The following NSD1 variants were observed in gnomAD, a reference collection of about 807,000 sequenced individuals.
The protein encoded by NSD1 is nuclear receptor binding SET domain protein 1, also known as histone-lysine N-methyltransferase, H3 lysine-36 specific.
A neutral mutation model predicts 242.7 loss-of-function variants in NSD1; 26 were observed. The observed-to-expected ratio is 0.11, with a 90% CI of 0.08 to 0.15. The LOEUF (loss-of-function observed/expected upper bound fraction) is 0.15, where lower values mean the gene tolerates loss of function less well. Ranked by LOEUF, NSD1 falls within the 10% of genes least tolerant of loss-of-function variation. The probability of loss-of-function intolerance (pLI) is 1.00; values close to 1 mark genes in which losing one functional copy is unlikely to be tolerated. For synonymous variants in NSD1, 1,106 were observed against 1,178.1 expected (o/e 0.94, Z 1.25); for missense variants, 2,495 against 3,272.8 (o/e 0.76, Z 5.80).
chr5:177,258,058 G>A (rs1405740890), intron 13 of NSD1, among the ~76,000 whole-genome samples: 1 of 125,306 alleles, frequency 8.0e-6, no homozygotes, highest in Non-Finnish European at 1.6e-5. Context: ...TCAGCTCACC[G>A]CAACCTCTGC....
chr5:177,177,671 A>T (rs555478494), intron 2 of NSD1, among the ~76,000 whole-genome samples: 1 of 152,182 alleles, frequency 6.6e-6, no homozygotes, highest in Admixed American at 6.6e-5. Flanking sequence ...AAAAAATATC[A>T]GTATTAGATT....
intron 2 of NSD1, among the ~76,000 whole-genome samples, chr5:177,154,188 G>T (rs1757944628): frequency 6.6e-6 from 1 of 151,982 alleles, no homozygotes; most frequent in Non-Finnish European, 1.5e-5. Flanking sequence ...GCTTTTCCCG[G>T]AGTGAGTGAT....
At chr5:177,145,779 G>A (rs1451094008) in intron 2 of NSD1, among the ~76,000 whole-genome samples, 3 of 151,968 alleles carry the variant, frequency 2.0e-5, no homozygotes, top group Non-Finnish European at 2.9e-5. Context: ...GTGATGGTGC[G>A]TGCTTGTAAT....
Position 177,260,063 on chromosome 5 carries a change from A to G in NSD1, c.5041A>G (p.Ile1681Val). ...CTTTTGCCTGGCTGCTGGGTCAAAG[A>G]TCCTTGCATCTAATAGTATCATCTG... ...NDFCLAAGSK[I>V]LASNSIICPN... The change falls in exon 14 of 23, where the codon ATC becomes GTC. Residue 1681 changes from isoleucine to valine, a missense_variant. By Grantham distance (29) the Ile-to-Val change is conservative. This residue lies in a region of NSD1 where 31 missense variants were observed against 120.2 expected (regional missense o/e 0.26). Coordinates refer to ENST00000439151, the MANE Select transcript of NSD1 (RefSeq NM_022455.5). 1 of 1,614,110 alleles carries G rather than the reference A, an allele frequency of 6.2e-7. No homozygotes were observed. The highest frequency in any genetic ancestry group is 8.5e-7 in the Non-Finnish European group (1 of 1,180,030).
intron 2 of NSD1, among the ~76,000 whole-genome samples, chr5:177,164,149 CT>C (rs56076836): frequency 0.023 from 3,196 of 138,344 alleles, 28 homozygotes; most frequent in Middle Eastern, 0.03. Context: ...AAAATGTAAC[CT>C]TTTTTTTTTT....
intron 17 of NSD1, among the ~76,000 whole-genome samples, chr5:177,275,775 A>G (rs1376223563): frequency 6.6e-6 from 1 of 151,948 alleles, no homozygotes; most frequent in Non-Finnish European, 1.5e-5. Flanking sequence ...ATAGTTGTGA[A>G]TTATTGATGA....
At chr5:177,196,765 G>A (rs1232294251) in intron 3 of NSD1, among the ~76,000 whole-genome samples, 3 of 152,200 alleles carry the variant, frequency 2.0e-5, no homozygotes, top group African/African-American at 7.2e-5. Context: ...GTATGAAAGA[G>A]ACTGAGCTTG....
intron 5 of NSD1, among the ~76,000 whole-genome samples, chr5:177,217,970 C>T (rs2149858920): frequency 6.6e-6 from 1 of 152,166 alleles, no homozygotes; most frequent in Non-Finnish European, 1.5e-5. Context: ...GGTTGGAGTG[C>T]AGTGGTGATA....
intron 2 of NSD1, among the ~76,000 whole-genome samples, chr5:177,162,790 GC>G (rs1374061187): frequency 2.0e-5 from 3 of 152,198 alleles, no homozygotes; most frequent in East Asian, 1.9e-4. Context: ...TCCCACCTCA[GC>G]CTCCTGAGTA....
chr5:177,216,464 GAGGTCTTATGTTT>G, intron 5 of NSD1, among the ~76,000 whole-genome samples: 1 of 151,964 alleles, frequency 6.6e-6, no homozygotes, highest in Non-Finnish European at 1.5e-5. Flanking sequence ...TTCATAGTTG[GAGGTCTTATGTTT>G]AGGTCTTTGA....
Position 177,293,909 on chromosome 5 carries a change from T to A in NSD1, c.6541T>A (p.Ser2181Thr). The A allele has an allele frequency of 6.2e-7, 1 of 1,614,146 alleles. No homozygotes were observed. The highest frequency in any genetic ancestry group is 8.5e-7 in the Non-Finnish European group (1 of 1,180,020). ...CTCCTTCTGTGAGATGTGCCCCAGCTCCTTTTGTAAGCAGCATCGAGAAGG... is the reference window on the plus strand; with the variant it reads ...CTCCTTCTGTGAGATGTGCCCCAGCACCTTTTGTAAGCAGCATCGAGAAGG... Reference protein sequence around the residue: ...AASFCEMCPSSFCKQHREGML... With the variant: ...AASFCEMCPSTFCKQHREGML... The change falls in exon 23 of 23, where the codon TCC (serine) becomes ACC (threonine). Residue 2181 changes from serine (S) to threonine (T), a missense_variant. Physicochemically the swap from Ser to Thr is moderately conservative, Grantham distance 58. Transcript: ENST00000439151.
In NSD1 at chr5:177,136,036, C is replaced by T. The variant is rs1415247999; in HGVS notation, c.927+6C>T. 6.2e-7 allele frequency: 1 copy of T among 1,612,318 alleles called. No homozygotes were observed. The highest frequency in any genetic ancestry group is 8.5e-7 in the Non-Finnish European group (1 of 1,178,600). On this transcript the variant is annotated splice_donor_region_variant and intron_variant, in intron 2 of 22. Transcript: ENST00000439151. ...CTTCACAGGAATTGCCATTTGTAAG[C>T]AGTTTTTGGTACAACTTAAATATAT...
chr5:177,146,474 G>C (rs1477418848), intron 2 of NSD1, among the ~76,000 whole-genome samples: 1 of 151,958 alleles, frequency 6.6e-6, no homozygotes, highest in African/African-American at 2.4e-5. Flanking sequence ...AAAGTGTTGG[G>C]ATTACAGGCT....
In NSD1 at chr5:177,294,435, C is replaced by T. The variant is rs780750393; in HGVS notation, c.7067C>T (p.Thr2356Met). The change falls in exon 23 of 23, where the codon ACG becomes ATG. Residue 2356 changes from threonine (T) to methionine (M), a missense_variant. Physicochemically the swap from Thr to Met is moderately conservative, Grantham distance 81. This residue lies in a region of NSD1 where 475 missense variants were observed against 563.7 expected (regional missense o/e 0.84). Transcript: ENST00000439151. The stretch of plus-strand genomic sequence containing the variant: ...CAACCACTGGAAAGACCTCTGGGGA[C>T]GGCTGACCCAAGGCTGGATAAATCC... Reference protein sequence around the residue: ...RSQPLERPLGTADPRLDKSIG... With the variant: ...RSQPLERPLGMADPRLDKSIG... 1.9e-5 allele frequency: 30 copies of T among 1,614,074 alleles called. No homozygotes were observed. Among genetic ancestry groups the T allele is most frequent in the South Asian group, 3.3e-5 (3 of 91,090 alleles).
At chr5:177,185,909 A>ATTATATATAT (rs1182654601) in intron 2 of NSD1, among the ~76,000 whole-genome samples, 1 of 78,306 alleles carries the variant, frequency 1.3e-5, no homozygotes, top group Non-Finnish European at 2.1e-5. Context: ...ATTTTATATA[A>ATTATATATAT]TTATATATAT....
chr5:177,240,017 A>G, intron 8 of NSD1, 152 bp downstream of exon 8: 1 of 605,902 alleles, frequency 1.7e-6, no homozygotes, highest in Non-Finnish European at 3.0e-6. Flanking sequence ...GATTTCCTAC[A>G]TGAAAGGCTG....
rs1217644892 is a variant in NSD1, at chr5:177,134,959, C to G, written c.-17-128C>G. 4 of 797,352 alleles carry G rather than the reference C, an allele frequency of 5.0e-6. No individual in the cohort carries two copies. The African/African-American group carries it at 6.9e-5, about 14-fold the overall frequency. The allele number at this position is 797,352 out of a possible 1,614,324, so 49.4% of individuals were successfully genotyped here. A position where few individuals can be genotyped will look rare whatever the true frequency, so the allele number is the denominator to read the frequency against. On this transcript the variant is annotated intron_variant, in intron 1 of 22. Coordinates refer to ENST00000439151, the MANE Select transcript of NSD1 (RefSeq NM_022455.5). The surrounding 1 kb of genome is among the most constrained non-coding windows in gnomAD (Gnocchi z 4.2). ...ATTTTTTCATCTCCAGTCGGGGGAA[C>G]TTTTTCTGCCCATGGAAGTGCAGCA...
At chr5:177,270,049 A>G (rs1053829445) in intron 16 of NSD1, among the ~76,000 whole-genome samples, 19 of 152,324 alleles carry the variant, frequency 1.2e-4, no homozygotes, top group African/African-American at 4.6e-4. Flanking sequence ...TTGTTTTGTC[A>G]GCATTCCATC....
intron 2 of NSD1, among the ~76,000 whole-genome samples, chr5:177,143,981 A>T (rs1214400375): frequency 2.6e-5 from 4 of 151,844 alleles, no homozygotes; most frequent in Non-Finnish European, 5.9e-5. Context: ...GATGGGGTTC[A>T]CCACGTTGGC....
Sources: gnomAD v4.1 joint callset for allele counts (sites outside exome capture counted in the v4.1 genomes callset) on GRCh38, gnomAD v4.1.1 for gene constraint, gnomAD v4.1.1 regional missense constraint, Gnocchi (gnomAD v3.1) non-coding constraint, MANE v1.5 for transcripts, NCBI Gene and HGNC (gene_info 2026-07-23, HGNC 2026-07-21) for gene names.